GALNT10: variants seen among roughly 807,000 people sequenced by gnomAD.
GALNT10 encodes the protein GalNAc transferase 10.
GALNT10 carries 41 observed loss-of-function variants against 75.0 expected under a neutral mutation model. The observed-to-expected ratio is 0.55, with a 90% CI of 0.43 to 0.71. GALNT10 has a LOEUF of 0.71. Among genes scored for constraint, GALNT10 ranks in the 30% least tolerant of loss-of-function variants. The probability of loss-of-function intolerance (pLI) is 0.00; values close to 1 mark genes in which losing one functional copy is unlikely to be tolerated. For missense variants in GALNT10, 727 were observed against 818.5 expected (o/e 0.89, Z 1.36); for synonymous variants, 302 against 313.0 (o/e 0.96, Z 0.37).
chr5:154,300,051 G>A (rs1351262061), intron 3 of GALNT10, among the ~76,000 whole-genome samples: 3 of 152,050 alleles, frequency 2.0e-5, no homozygotes, highest in Admixed American at 1.3e-4. Flanking sequence ...GCCTAGGCTG[G>A]TTTTGAACTC....
chr5:154,310,106 G>A (rs955294673), intron 3 of GALNT10, among the ~76,000 whole-genome samples: 2 of 152,130 alleles, frequency 1.3e-5, no homozygotes, highest in South Asian at 2.1e-4. Flanking sequence ...GTCTGCACCC[G>A]CCCCCACCCC....
In GALNT10 at chr5:154,402,477, C is replaced by T. The variant is rs1756189444; in HGVS notation, c.1057-1627C>T. Among the ~76,000 whole-genome samples the T allele has an allele frequency of 6.6e-6, 1 of 152,246 alleles. No individual in the cohort carries two copies. The highest frequency in any genetic ancestry group is 2.1e-4 in the South Asian group (1 of 4,834). On this transcript the variant is annotated intron_variant, in intron 7 of 11. Coordinates refer to ENST00000297107, the MANE Select transcript of GALNT10 (RefSeq NM_198321.4). The surrounding 1 kb of genome is among the most constrained non-coding windows in gnomAD (Gnocchi z 4.2). ...GAATCTATGCAATGGCCCTGCTCTGCCATCGCCACCTGAAACCATCTCCCA... is the reference window on the plus strand; with the variant it reads ...GAATCTATGCAATGGCCCTGCTCTGTCATCGCCACCTGAAACCATCTCCCA...
At chr5:154,252,778 A>G (rs76969299) in intron 1 of GALNT10, among the ~76,000 whole-genome samples, 25,480 of 151,462 alleles carry the variant, frequency 0.17, 2,269 homozygotes, top group Non-Finnish European at 0.19. Flanking sequence ...TTAGTTTTTC[A>G]TATTTTTTCC....
In GALNT10 at chr5:154,190,938, C is replaced by G. The variant is rs1216811572; in HGVS notation, c.72C>G (p.Asn24Lys). Reference sequence around the variant, plus strand: ...TGGCGGCCCTGGTCCTCCTGCCCAACGTGGGGCTTTGGGCGCTGTACCGCG... The same window carrying G: ...TGGCGGCCCTGGTCCTCCTGCCCAAGGTGGGGCTTTGGGCGCTGTACCGCG... ...LVLAALVLLP[N>K]VGLWALYRER... The change falls in exon 1 of 12, where the codon AAC becomes AAG. Residue 24 changes from asparagine (N) to lysine (K), a missense_variant. Physicochemically the swap from Asn to Lys is moderately conservative, Grantham distance 94. Transcript: ENST00000297107. 1 of 1,509,280 alleles carries G rather than the reference C, an allele frequency of 6.6e-7. No homozygotes were observed. The highest frequency in any genetic ancestry group is 1.4e-5 in the African/African-American group (1 of 70,702). 93.5% of individuals were successfully genotyped at this position (1,509,280 alleles called of 1,614,324 possible).
At chr5:154,299,389 C>A (rs1754328881) in intron 3 of GALNT10, among the ~76,000 whole-genome samples, 1 of 152,148 alleles carries the variant, frequency 6.6e-6, no homozygotes, top group Non-Finnish European at 1.5e-5. Context: ...GTTATTATAA[C>A]CATTTCATAG....
At chr5:154,332,771 G>A (rs1371893819) in intron 4 of GALNT10, among the ~76,000 whole-genome samples, 5 of 152,214 alleles carry the variant, frequency 3.3e-5, no homozygotes, top group Non-Finnish European at 5.9e-5. Context: ...TGCAGTTCTT[G>A]CAGTGACTGG....
chr5:154,210,292 C>T (rs1246395969), intron 1 of GALNT10, among the ~76,000 whole-genome samples: 1 of 152,188 alleles, frequency 6.6e-6, no homozygotes, highest in Admixed American at 6.5e-5. Flanking sequence ...GCACATGTCA[C>T]TCTCATTACA....
chr5:154,420,197 A>T lies in GALNT10; in HGVS notation c.*3225A>T, dbSNP rs1365299052. 5 of 152,256 alleles carry T rather than the reference A, an allele frequency of 3.3e-5. No individual in the cohort carries two copies. The highest frequency in any genetic ancestry group is 7.3e-5 in the Non-Finnish European group (5 of 68,044). The allele number at this position is 152,256 out of a possible 1,614,324, so 9.4% of individuals were successfully genotyped here. On this transcript the variant is annotated 3_prime_UTR_variant, in exon 12 of 12. Coordinates refer to ENST00000297107, the MANE Select transcript of GALNT10 (RefSeq NM_198321.4). Reference sequence around the variant, plus strand: ...GTACATCCACAGGAGGAATCGGACGAGAGGATGTGACATTCGGTCCAGGAG... The same window carrying T: ...GTACATCCACAGGAGGAATCGGACGTGAGGATGTGACATTCGGTCCAGGAG...
chr5:154,387,288 GT>G (rs1212262158), intron 7 of GALNT10: 1 of 152,236 alleles, frequency 6.6e-6, no homozygotes, highest in East Asian at 1.9e-4. Flanking sequence ...GTGGGAGTCT[GT>G]CTTGTTCTCA....
chr5:154,271,194 T>A (rs909860305), intron 1 of GALNT10, among the ~76,000 whole-genome samples: 6 of 151,942 alleles, frequency 3.9e-5, no homozygotes, highest in African/African-American at 1.5e-4. Context: ...GGTTTAATAA[T>A]AGAGCCAAAG....
chr5:154,224,752 A>T (rs1753034269), intron 1 of GALNT10, among the ~76,000 whole-genome samples: 1 of 150,486 alleles, frequency 6.6e-6, no homozygotes, highest in African/African-American at 2.5e-5. Context: ...AACAGAACAC[A>T]GTCTCTGTCT....
Position 154,329,696 on chromosome 5 carries a change from C to T in GALNT10, c.526C>T (p.Leu176=), listed in dbSNP as rs775064214. ...HSVLNRSPPE[L]VAEIVLVDDF... ...TGTGCTCAATCGCTCGCCTCCAGAG[C>T]TGGTCGCCGAGATTGTACTGGTCGA... The change falls in exon 4 of 12, where the codon CTG becomes TTG. Residue 176 remains leucine (L), a synonymous_variant. Coordinates refer to ENST00000297107, the MANE Select transcript of GALNT10 (RefSeq NM_198321.4). The T allele has an allele frequency of 4.3e-6, 7 of 1,613,788 alleles. No individual in the cohort carries two copies. The highest frequency in any genetic ancestry group is 5.1e-6 in the Non-Finnish European group (6 of 1,179,678).
At chr5:154,307,685 C>T (rs1561656664) in intron 3 of GALNT10, among the ~76,000 whole-genome samples, 2 of 150,994 alleles carry the variant, frequency 1.3e-5, no homozygotes, top group African/African-American at 4.9e-5. Context: ...GGACGGGGTA[C>T]TTTCCAACTC....
intron 1 of GALNT10, among the ~76,000 whole-genome samples, chr5:154,288,417 TGTGTG>T (rs754811200): frequency 0.37 from 48,259 of 129,952 alleles, 8,751 homozygotes; most frequent in East Asian, 0.61. Context: ...TTTGTGTGTG[TGTGTG>T]TGTGTGTGTG....
chr5:154,279,300 T>TTG (rs1491103743), intron 1 of GALNT10, among the ~76,000 whole-genome samples: 7 of 104,440 alleles, frequency 6.7e-5, no homozygotes, highest in Admixed American at 2.4e-4. Flanking sequence ...GTTGTTGTTG[T>TTG]TTTGTTTTTT....
At chr5:154,292,456 G>C (rs1754208229) in intron 1 of GALNT10, among the ~76,000 whole-genome samples, 1 of 152,170 alleles carries the variant, frequency 6.6e-6, no homozygotes, top group South Asian at 2.1e-4. Flanking sequence ...GTCCCACCAG[G>C]GCTGAAGTAA....
chr5:154,244,434 T>C (rs1179651557), intron 1 of GALNT10, among the ~76,000 whole-genome samples: 8 of 151,954 alleles, frequency 5.3e-5, no homozygotes, highest in Non-Finnish European at 1.5e-5. Flanking sequence ...AAAAAAAGAA[T>C]TATTTCAACC....
chr5:154,355,384 T>A (rs537454606), intron 4 of GALNT10, among the ~76,000 whole-genome samples: 3 of 152,232 alleles, frequency 2.0e-5, no homozygotes, highest in Non-Finnish European at 2.9e-5. Flanking sequence ...GCTTCTCTGA[T>A]ACTCTGGCCC....
chr5:154,192,697 C>G (rs1426829020), intron 1 of GALNT10, among the ~76,000 whole-genome samples: 1 of 152,198 alleles, frequency 6.6e-6, no homozygotes, highest in African/African-American at 2.4e-5. Context: ...TTCCTTGTAG[C>G]ATCCCTAGCT....
Sources: gnomAD v4.1 joint callset for allele counts (sites outside exome capture counted in the v4.1 genomes callset) on GRCh38, gnomAD v4.1.1 for gene constraint, Gnocchi (gnomAD v3.1) non-coding constraint, MANE v1.5 for transcripts, NCBI Gene and HGNC (gene_info 2026-07-23, HGNC 2026-07-21) for gene names.